The following TAB2 variants were observed in gnomAD, a reference collection of about 807,000 sequenced individuals.
TAB2 encodes TGF-beta activated kinase 1 (MAP3K7) binding protein 2.
A neutral mutation model predicts 65.0 loss-of-function variants in TAB2; 3 were observed. That is an observed-to-expected ratio of 0.05 (90% CI 0.02 to 0.12). The LOEUF is 0.12. Among genes scored for constraint, TAB2 ranks in the 10% least tolerant of loss-of-function variants. The pLI is 1.00. For synonymous variants in TAB2, 298 were observed against 285.1 expected (o/e 1.05, Z -0.46); for missense variants, 623 against 840.3 (o/e 0.74, Z 3.20).
At chr6:149,238,170 G>A (rs960743360) in intron 1 of TAB2, among the ~76,000 whole-genome samples, 4 of 152,106 alleles carry the variant, frequency 2.6e-5, no homozygotes, top group East Asian at 1.9e-4. Context: ...CACCCAGCAC[G>A]GTGCCTGGCC....
chr6:149,290,671 C>T (rs935719136), intron 1 of TAB2, among the ~76,000 whole-genome samples: 1 of 152,178 alleles, frequency 6.6e-6, no homozygotes, highest in Admixed American at 6.5e-5. Flanking sequence ...TGGCAAGATC[C>T]CGTCTCTACT....
intron 1 of TAB2, among the ~76,000 whole-genome samples, chr6:149,278,211 T>C (rs1471892185): frequency 1.3e-5 from 2 of 152,176 alleles, no homozygotes; most frequent in Non-Finnish European, 2.9e-5. Flanking sequence ...TTGTAATAAA[T>C]ATACACAATG....
At chr6:149,407,124 G>C (rs1358122804) in intron 6 of TAB2, among the ~76,000 whole-genome samples, 2 of 152,328 alleles carry the variant, frequency 1.3e-5, no homozygotes, top group African/African-American at 4.8e-5. Flanking sequence ...GGATGAGAGT[G>C]AGATTAGGGC....
At chr6:149,295,291 T>C (rs896189599) in intron 1 of TAB2, among the ~76,000 whole-genome samples, 1 of 152,230 alleles carries the variant, frequency 6.6e-6, no homozygotes, top group African/African-American at 2.4e-5. Context: ...CTTTTGTCAT[T>C]GGTTTTCTAC....
intron 1 of TAB2, among the ~76,000 whole-genome samples, chr6:149,239,491 T>G (rs1021939166): frequency 2.0e-5 from 3 of 152,254 alleles, no homozygotes; most frequent in Non-Finnish European, 2.9e-5. Context: ...TGGCTGAGGC[T>G]TTGCCATAAT....
intron 1 of TAB2, among the ~76,000 whole-genome samples, chr6:149,364,620 G>T (rs1358075579): frequency 6.6e-6 from 1 of 151,022 alleles, no homozygotes; most frequent in Non-Finnish European, 1.5e-5. Flanking sequence ...CTCCAGCATG[G>T]TATCTCCTGC....
chr6:149,334,102 C>G (rs1357796664), intron 1 of TAB2, among the ~76,000 whole-genome samples: 1 of 152,134 alleles, frequency 6.6e-6, no homozygotes, highest in Non-Finnish European at 1.5e-5. Flanking sequence ...AAATAATAAA[C>G]TTTAAACTTT....
At chr6:149,218,750 T>C in exon 1 of TAB2, 1 of 456,032 alleles carries the variant, frequency 2.2e-6, no homozygotes, top group South Asian at 1.5e-5. Context: ...AGTTTATTCC[T>C]CCAAAGCAAA....
At chr6:149,369,727 C>A (rs1286484101) in intron 1 of TAB2, among the ~76,000 whole-genome samples, 182 bp from the exon 2 acceptor site, 1 of 152,056 alleles carries the variant, frequency 6.6e-6, no homozygotes, top group Non-Finnish European at 1.5e-5. Flanking sequence ...TGAAAGTTTA[C>A]CATCAGAGTT....
chr6:149,302,970 G>T (rs563028976), intron 1 of TAB2, among the ~76,000 whole-genome samples: 2 of 152,364 alleles, frequency 1.3e-5, no homozygotes, highest in South Asian at 4.1e-4. Flanking sequence ...TGTCAGGTCA[G>T]TGGTAGCATT....
At chr6:149,273,778 C>T (rs751985188) in intron 1 of TAB2, among the ~76,000 whole-genome samples, 16 of 152,184 alleles carry the variant, frequency 1.1e-4, no homozygotes, top group Non-Finnish European at 2.4e-4. Flanking sequence ...TGAAAGAAAA[C>T]AGAAGGGCAG....
At chr6:149,394,224 A>G (rs556603283) in intron 3 of TAB2, among the ~76,000 whole-genome samples, 5 of 151,914 alleles carry the variant, frequency 3.3e-5, no homozygotes, top group African/African-American at 1.2e-4. Flanking sequence ...GGAATTCTTT[A>G]TCTCTGATAA....
chr6:149,255,257 C>G (rs1777996426), intron 1 of TAB2: 1 of 151,296 alleles, frequency 6.6e-6, no homozygotes, highest in Admixed American at 6.6e-5. Flanking sequence ...GAGGACATAG[C>G]AAGAAGTCTG....
chr6:149,293,547 C>T (rs775951612), intron 1 of TAB2, among the ~76,000 whole-genome samples: 1 of 152,122 alleles, frequency 6.6e-6, no homozygotes, highest in Non-Finnish European at 1.5e-5. Flanking sequence ...TAGCATTTTC[C>T]GCTGGAATGT....
intron 6 of TAB2, 84 bp from the exon 7 acceptor site, chr6:149,409,493 A>G (rs966634301): frequency 4.0e-5 from 50 of 1,248,646 alleles, no homozygotes; most frequent in South Asian, 6.2e-5. Context: ...CAGGCTGTGC[A>G]CTACAAATGG....
chr6:149,344,355 T>G (rs1358730037), intron 1 of TAB2, among the ~76,000 whole-genome samples: 1 of 152,172 alleles, frequency 6.6e-6, no homozygotes, highest in Non-Finnish European at 1.5e-5. Flanking sequence ...ACAAGTAATA[T>G]GAAAGTATCG....
In TAB2 at chr6:149,387,010, A is replaced by G. The variant is rs1201413734; in HGVS notation, c.1603+7492A>G. On this transcript the variant is annotated intron_variant, in intron 3 of 6. Coordinates refer to ENST00000637181, the MANE Select transcript of TAB2 (RefSeq NM_001292034.3). ...TGAGTTCTCTGTATATTCTAGAAAT[A>G]AGTCCCTTCCATGATTTGCAATTTT... is the stretch of plus-strand genomic sequence containing the variant. Among the ~76,000 whole-genome samples the G allele has an allele frequency of 2.0e-5, 3 of 152,134 alleles. No homozygotes were observed. The East Asian group carries it at 5.8e-4, about 29-fold the overall frequency.
At chr6:149,279,096 A>G (rs955944575) in intron 1 of TAB2, among the ~76,000 whole-genome samples, 8 of 152,102 alleles carry the variant, frequency 5.3e-5, no homozygotes, top group Admixed American at 3.3e-4. Context: ...TCTTCAAACT[A>G]CTGAAATCTG....
intron 1 of TAB2, among the ~76,000 whole-genome samples, chr6:149,249,472 TTCTCTCTGTC>T (rs1410279219): frequency 1.3e-5 from 2 of 149,746 alleles, no homozygotes; most frequent in African/African-American, 2.5e-5. Flanking sequence ...ATCTCTGTCT[TTCTCTCTGTC>T]TCTCTCTGTC....
Sources: allele counts gnomAD v4.1 joint callset (sites outside exome capture counted in the v4.1 genomes callset), GRCh38; gene constraint gnomAD v4.1.1; transcripts MANE v1.5; gene names NCBI Gene and HGNC (gene_info 2026-07-23, HGNC 2026-07-21).